IYD: variants seen among roughly 807,000 people sequenced by gnomAD.
IYD encodes iodotyrosine deiodinase 1.
IYD carries 25 observed loss-of-function variants against 28.4 expected under a neutral mutation model. That is an observed-to-expected ratio of 0.88 (90% CI 0.64 to 1.23). IYD has a LOEUF of 1.23. IYD is among the 50% of genes most tolerant of loss of function. IYD has a pLI of 0.00. For missense variants in IYD, 352 were observed against 357.9 expected (o/e 0.98, Z 0.13); for synonymous variants, 140 against 130.8 (o/e 1.07, Z -0.48).
chr6:150,382,819 T>A (rs1707699483), intron 1 of IYD, among the ~76,000 whole-genome samples: 1 of 152,224 alleles, frequency 6.6e-6, no homozygotes, highest in African/African-American at 2.4e-5. Context: ...TTTTCCAAAT[T>A]TGCTGTCACT....
In IYD at chr6:150,389,357, G is replaced by A. The variant is rs899437964; in HGVS notation, c.184G>A (p.Asp62Asn). ...TTTCTTATTCTTATTTGCAGATGCT[G>A]ATGAATGGCAAGAATCAGAAGAAAA... ...SDLHQAEEDADEWQESEENVE... is the reference protein window; with the variant it reads ...SDLHQAEEDANEWQESEENVE... The change falls in exon 2 of 5, where the codon GAT (aspartate) becomes AAT (asparagine). Residue 62 changes from aspartate (D) to asparagine (N), a missense_variant. Coordinates refer to ENST00000344419, the MANE Select transcript of IYD (RefSeq NM_203395.3). 1 of 1,612,874 alleles carries A rather than the reference G, an allele frequency of 6.2e-7. No homozygotes were observed. The highest frequency in any genetic ancestry group is 8.5e-7 in the Non-Finnish European group (1 of 1,178,972).
intron 4 of IYD, chr6:150,395,908 A>G: frequency 3.8e-6 from 2 of 525,700 alleles, no homozygotes; most frequent in Non-Finnish European, 6.8e-6. Flanking sequence ...CCCCTTGGCC[A>G]CTGAGTCCCC....
At chr6:150,370,038 AG>A (rs1278659111) in intron 1 of IYD, 3 of 702,188 alleles carry the variant, frequency 4.3e-6, no homozygotes, top group Non-Finnish European at 7.8e-6. Flanking sequence ...GCGTGGAGGA[AG>A]CTTGAGCCAT....
chr6:150,391,243 A>T (rs79162898), intron 2 of IYD, among the ~76,000 whole-genome samples: 3 of 102,358 alleles, frequency 2.9e-5, no homozygotes, highest in African/African-American at 1.1e-4. Context: ...CAAAAAAAAA[A>T]AAAAAAAAAG....
In IYD at chr6:150,396,703, C is replaced by T. The variant is rs568330772; in HGVS notation, c.688-1352C>T. 2.1e-3 allele frequency: 613 copies of T among 292,614 alleles called. 3 individuals carry two copies. Among genetic ancestry groups the T allele is most frequent in the African/African-American group, 0.011 (511 of 45,032 alleles). 18.1% of individuals were successfully genotyped at this position (292,614 alleles called of 1,614,324 possible). On this transcript the variant is annotated intron_variant, in intron 4 of 4. Transcript: ENST00000344419. ...TCCTGGCTAACATGGTGAAACCCGGCCTTTACTAAAAATACAAAAAATGAG... is the reference window on the plus strand; with the variant it reads ...TCCTGGCTAACATGGTGAAACCCGGTCTTTACTAAAAATACAAAAAATGAG...
At position 150,398,103 on chromosome 6, in the gene IYD, C is replaced by A. The variant is rs186449515; in HGVS notation, c.736C>A (p.Arg246=). The change falls in exon 5 of 5, where the codon CGA becomes AGA. Residue 246 remains arginine, a synonymous_variant. Transcript: ENST00000344419. ...VTTTPLNCGP[R]LRVLLGRPAH... ...TACCACTCCTCTCAACTGTGGCCCT[C>A]GACTGAGGGTGCTCCTGGGCCGCCC... The A allele has an allele frequency of 1.2e-6, 2 of 1,614,186 alleles. No individual in the cohort carries two copies. Among genetic ancestry groups the A allele is most frequent in the East Asian group, 2.2e-5 (1 of 44,876 alleles).
intron 1 of IYD, among the ~76,000 whole-genome samples, chr6:150,380,004 A>G (rs1777590781): frequency 6.6e-6 from 1 of 152,162 alleles, no homozygotes; most frequent in Non-Finnish European, 1.5e-5. Flanking sequence ...TCTTTTGTGA[A>G]TTCATTTTCA....
chr6:150,389,702 C>T (rs1778039699), intron 2 of IYD, 159 bp downstream of exon 2: 1 of 681,082 alleles, frequency 1.5e-6, no homozygotes, highest in African/African-American at 1.8e-5. Flanking sequence ...GCCAGAAACA[C>T]AATGACTTCT....
In IYD at chr6:150,395,618, C is replaced by T. The variant is rs1778284474; in HGVS notation, c.687+1363C>T. The T allele has an allele frequency of 9.2e-6, 13 of 1,405,918 alleles. No homozygotes were observed. In the South Asian group the frequency reaches 1.3e-4, roughly 15 times the overall value. The allele number at this position is 1,405,918 out of a possible 1,614,324, so 87.1% of individuals were successfully genotyped here. A position where few individuals can be genotyped will look rare whatever the true frequency, so the allele number is the denominator to read the frequency against. ...CACTTTGCCATTGAGTTTGCTGCCC[C>T]CTAGCTTTCATAAGGCATAATCCCG... On this transcript the variant is annotated intron_variant, in intron 4 of 4. Coordinates refer to ENST00000344419, the MANE Select transcript of IYD (RefSeq NM_203395.3).
intron 4 of IYD, among the ~76,000 whole-genome samples, chr6:150,397,574 A>G (rs1209734282): frequency 7.8e-6 from 1 of 128,930 alleles, no homozygotes; most frequent in East Asian, 2.3e-4. Context: ...TGTCTCAAAA[A>G]AAAAACAAAA....
In IYD at chr6:150,404,943, C is replaced by T. The variant is rs1381716957; in HGVS notation, c.*6706C>T. The T allele has an allele frequency of 6.6e-6, 1 of 152,198 alleles. No individual in the cohort carries two copies. The highest frequency in any genetic ancestry group is 1.5e-5 in the Non-Finnish European group (1 of 68,040). The allele number at this position is 152,198 out of a possible 1,614,324, so 9.4% of individuals were successfully genotyped here. ...TGGTTCTCTTGGTCTTTCTTCATAA[C>T]CACCGGATGCTGTTATAGCTTCACC... On this transcript the variant is annotated 3_prime_UTR_variant, in exon 5 of 5. Coordinates refer to ENST00000344419, the MANE Select transcript of IYD (RefSeq NM_203395.3).
At chr6:150,394,640 C>T (rs1274593255) in intron 4 of IYD, among the ~76,000 whole-genome samples, 1 of 152,186 alleles carries the variant, frequency 6.6e-6, no homozygotes, top group Non-Finnish European at 1.5e-5. Flanking sequence ...AAGGGCTCTT[C>T]ATAGAGGCCC....
intron 1 of IYD, among the ~76,000 whole-genome samples, chr6:150,377,870 G>C (rs1010424802): frequency 4.6e-5 from 7 of 152,176 alleles, no homozygotes; most frequent in Non-Finnish European, 8.8e-5. Flanking sequence ...GTTCAGAGTT[G>C]TCACTGTGAC....
intron 4 of IYD, chr6:150,395,292 G>T: frequency 1.3e-6 from 1 of 772,068 alleles, no homozygotes; most frequent in Non-Finnish European, 2.1e-6. Flanking sequence ...ACTTTTGAGA[G>T]ACAATGGATT....
intron 1 of IYD, among the ~76,000 whole-genome samples, chr6:150,384,079 T>G (rs188886419): frequency 4.1e-4 from 62 of 152,252 alleles, no homozygotes; most frequent in Admixed American, 3.4e-3. Flanking sequence ...CACAAACACA[T>G]GCACACACAT....
chr6:150,378,084 G>T (rs1224120659), intron 1 of IYD, among the ~76,000 whole-genome samples: 2 of 152,266 alleles, frequency 1.3e-5, no homozygotes, highest in East Asian at 3.9e-4. Flanking sequence ...TCCTCAGAAG[G>T]TGAATTCTCT....
chr6:150,387,148 A>G (rs908288410), intron 1 of IYD, among the ~76,000 whole-genome samples: 1 of 152,194 alleles, frequency 6.6e-6, no homozygotes, highest in Non-Finnish European at 1.5e-5. Context: ...AATAACTTGT[A>G]GTTTTGCAAC....
rs1778520616 is a variant in IYD at position 150,401,903 on chromosome 6, A to G, written c.*3666A>G. 2 of 152,382 alleles carry G rather than the reference A, an allele frequency of 1.3e-5. No individual in the cohort carries two copies. The highest frequency in any genetic ancestry group is 1.9e-4 in the East Asian group (1 of 5,186). The allele number at this position is 152,382 out of a possible 1,614,324, so 9.4% of individuals were successfully genotyped here. ...GTGTCAGCCAGCACGGGGTAGAGCC[A>G]TGGTCCTCATACTTGCTGGCATCCC... On this transcript the variant is annotated 3_prime_UTR_variant, in exon 5 of 5. Transcript: ENST00000344419.
chr6:150,397,964 G>C lies in IYD; in HGVS notation c.688-91G>C, dbSNP rs1304739625. ...TTCAGGGAAATGATAGGAAGAGCAG[G>C]TATAATCAGGACAAGAAGGTCCCCA... is the stretch of plus-strand genomic sequence containing the variant. On this transcript the variant is annotated intron_variant, in intron 4 of 4. Coordinates refer to ENST00000344419, the MANE Select transcript of IYD (RefSeq NM_203395.3). 5 of 1,236,930 alleles carry C rather than the reference G, an allele frequency of 4.0e-6. No homozygotes were observed. The African/African-American group carries it at 4.5e-5, about 11-fold the overall frequency. 76.6% of individuals were successfully genotyped at this position (1,236,930 alleles called of 1,614,324 possible).
Sources: allele counts gnomAD v4.1 joint callset (sites outside exome capture counted in the v4.1 genomes callset), GRCh38; gene constraint gnomAD v4.1.1; transcripts MANE v1.5; gene names NCBI Gene and HGNC (gene_info 2026-07-23, HGNC 2026-07-21).